ADAMTSL3: variants seen among roughly 807,000 people sequenced by gnomAD.
The protein encoded by ADAMTSL3 is ADAMTS like 3.
In ADAMTSL3, 128 loss-of-function variants were observed where a neutral mutation model predicts 201.7. The observed-to-expected ratio is 0.63, with a 90% CI of 0.55 to 0.73. The LOEUF is 0.73. ADAMTSL3 is among the 30% of genes least tolerant of loss of function. ADAMTSL3 has a pLI of 0.00. For synonymous variants in ADAMTSL3, 738 were observed against 748.4 expected (o/e 0.99, Z 0.23); for missense variants, 1,990 against 2,119.6 (o/e 0.94, Z 1.20).
chr15:83,763,004 A>C (rs987307754), intron 3 of ADAMTSL3, among the ~76,000 whole-genome samples: 2 of 152,006 alleles, frequency 1.3e-5, no homozygotes, highest in Non-Finnish European at 2.9e-5. Flanking sequence ...CTCGTGCCTC[A>C]GCCTCCTGAG....
intron 1 of ADAMTSL3, 69 bp from the exon 2 acceptor site, chr15:83,655,660 C>T (rs995877633): frequency 1.1e-5 from 13 of 1,142,858 alleles, no homozygotes; most frequent in African/African-American, 6.2e-5. Flanking sequence ...TCTAATGGGT[C>T]GCTTAAGTCA....
intron 19 of ADAMTSL3, among the ~76,000 whole-genome samples, chr15:83,944,544 T>G (rs2066620068): frequency 6.6e-6 from 1 of 152,128 alleles, no homozygotes; most frequent in Non-Finnish European, 1.5e-5. Context: ...TCTCATATCA[T>G]CCTACGATAG....
rs181695622 is a variant in ADAMTSL3 at position 83,740,636 on chromosome 15, C to T, written c.190-32887C>T. 4.7e-3 allele frequency among the ~76,000 whole-genome samples: 720 copies of T among 152,082 alleles called. 10 individuals are homozygous for T. Among genetic ancestry groups the T allele is most frequent in the African/African-American group, 0.017 (694 of 41,498 alleles). On this transcript the variant is annotated intron_variant, in intron 3 of 29. Transcript: ENST00000286744. The stretch of plus-strand genomic sequence containing the variant: ...CATAAAGATAAGAATAAAAAAGATG[C>T]AATAGAGTAACGGCCACAAAACCAC...
chr15:83,710,820 A>T (rs1046635111), intron 3 of ADAMTSL3, among the ~76,000 whole-genome samples: 1 of 152,160 alleles, frequency 6.6e-6, no homozygotes, highest in African/African-American at 2.4e-5. Flanking sequence ...GAGTTGAAAG[A>T]AAGTATAGGA....
chr15:83,925,148 C>T (rs1004970021), intron 17 of ADAMTSL3, among the ~76,000 whole-genome samples: 3 of 152,234 alleles, frequency 2.0e-5, no homozygotes, highest in East Asian at 1.9e-4. Flanking sequence ...GGGATTGATA[C>T]GTTAGGTCCC....
chr15:83,776,882 A>G (rs2063084178), intron 4 of ADAMTSL3, among the ~76,000 whole-genome samples: 1 of 152,252 alleles, frequency 6.6e-6, no homozygotes, highest in African/African-American at 2.4e-5. Flanking sequence ...ATATGTAAGT[A>G]TCCTGAAGCA....
At chr15:83,923,565 T>A (rs184882778) in intron 16 of ADAMTSL3, among the ~76,000 whole-genome samples, 3 of 152,334 alleles carry the variant, frequency 2.0e-5, no homozygotes, top group Admixed American at 2.0e-4. Context: ...TGATGGCTTA[T>A]TTGGGGGAAC....
intron 8 of ADAMTSL3, among the ~76,000 whole-genome samples, chr15:83,867,553 C>T (rs767017997): frequency 6.6e-6 from 1 of 152,206 alleles, no homozygotes. Context: ...TAAGCCCTAT[C>T]TGAGGACCAT....
chr15:83,799,902 G>A (rs2063490912), intron 4 of ADAMTSL3, among the ~76,000 whole-genome samples: 1 of 152,170 alleles, frequency 6.6e-6, no homozygotes, highest in South Asian at 2.1e-4. Flanking sequence ...AGAATAAGCT[G>A]GCAGGTTCCT....
intron 8 of ADAMTSL3, among the ~76,000 whole-genome samples, chr15:83,863,117 A>G (rs947279309): frequency 4.6e-5 from 7 of 152,248 alleles, no homozygotes; most frequent in Admixed American, 1.3e-4. Flanking sequence ...CAGATTCATA[A>G]AGCAAGTCCT....
intron 5 of ADAMTSL3, among the ~76,000 whole-genome samples, chr15:83,806,094 G>C (rs1459965684): frequency 1.7e-5 from 1 of 58,570 alleles, no homozygotes; most frequent in African/African-American, 8.5e-5. Flanking sequence ...GCCACTGCTA[G>C]AGTGTGCTGT....
intron 7 of ADAMTSL3, among the ~76,000 whole-genome samples, chr15:83,856,145 G>A (rs977882360): frequency 7.9e-5 from 12 of 151,348 alleles, no homozygotes; most frequent in Middle Eastern, 3.5e-3. Context: ...GCTGTAGTAT[G>A]CATCATTTCC....
intron 7 of ADAMTSL3, among the ~76,000 whole-genome samples, chr15:83,838,898 GTC>G (rs893344809): frequency 2.0e-5 from 3 of 152,150 alleles, no homozygotes; most frequent in African/African-American, 7.2e-5. Context: ...TGGCCATATA[GTC>G]TCAACTACTC....
chr15:83,878,466 T>G (rs992302391), intron 9 of ADAMTSL3, among the ~76,000 whole-genome samples: 8 of 152,104 alleles, frequency 5.3e-5, no homozygotes, highest in African/African-American at 1.9e-4. Flanking sequence ...TACAAAAAAT[T>G]AGCCGGGTGT....
intron 2 of ADAMTSL3, among the ~76,000 whole-genome samples, chr15:83,681,006 G>GT (rs1452927229): frequency 3.3e-5 from 5 of 152,140 alleles, no homozygotes. Context: ...GATTCTCGTA[G>GT]TTTTCAAGTT....
At chr15:83,947,066 C>CAAAA (rs2066668359) in intron 19 of ADAMTSL3, among the ~76,000 whole-genome samples, 1 of 152,196 alleles carries the variant, frequency 6.6e-6, no homozygotes, top group Non-Finnish European at 1.5e-5. Flanking sequence ...GGAGCTTTCT[C>CAAAA]CTGTTAGTTA....
intron 23 of ADAMTSL3, among the ~76,000 whole-genome samples, chr15:83,992,320 C>A (rs2141837876): frequency 6.6e-6 from 1 of 152,286 alleles, no homozygotes; most frequent in African/African-American, 2.4e-5. Flanking sequence ...AATTTGCTAA[C>A]CCCCAAGATA....
chr15:83,707,643 C>G lies in ADAMTSL3; in HGVS notation c.189+3135C>G, dbSNP rs537765522. On this transcript the variant is annotated intron_variant, in intron 3 of 29. Transcript: ENST00000286744. ...AAGTAACCACCATTCAGACTTTTAT[C>G]AGTATTACAGATTCATTTTGCCTGC... 4.6e-5 allele frequency among the ~76,000 whole-genome samples: 7 copies of G among 152,284 alleles called. No homozygotes were observed. The South Asian group carries it at 1.5e-3, about 32-fold the overall frequency.
intron 2 of ADAMTSL3, among the ~76,000 whole-genome samples, chr15:83,668,699 TG>T (rs1012335226): frequency 2.0e-5 from 3 of 152,184 alleles, no homozygotes; most frequent in Admixed American, 6.5e-5. Flanking sequence ...GACTTTTTTT[TG>T]AGTAATTTAT....
Sources: gnomAD v4.1 joint callset for allele counts (sites outside exome capture counted in the v4.1 genomes callset) on GRCh38, gnomAD v4.1.1 for gene constraint, MANE v1.5 for transcripts, NCBI Gene and HGNC (gene_info 2026-07-23, HGNC 2026-07-21) for gene names.